The following ACOT9 variants were observed in gnomAD, a reference collection of about 807,000 sequenced individuals.
ACOT9 encodes the protein acyl-coenzyme A thioesterase 9, mitochondrial.
Under a neutral mutation model 39.7 loss-of-function variants are expected in ACOT9, and 34 were observed. The observed-to-expected ratio is 0.86, with a 90% confidence interval of 0.65 to 1.14. The LOEUF (loss-of-function observed/expected upper bound fraction) is 1.14, where lower values mean the gene tolerates loss of function less well. Among genes scored for constraint, ACOT9 ranks in the 50% most tolerant of loss-of-function variants. ACOT9 has a pLI of 0.00. For synonymous variants in ACOT9, 110 were observed against 120.5 expected (o/e 0.91, Z 0.57); for missense variants, 313 against 344.1 (o/e 0.91, Z 0.71).
intron 6 of ACOT9, among the ~76,000 whole-genome samples, chrX:23,724,446 C>T (rs1929434706): frequency 9.1e-6 from 1 of 110,366 alleles, no homozygotes; most frequent in Admixed American, 9.8e-5. Context: ...CTAGCCTGGG[C>T]AACAGAGTGA....
At chrX:23,731,637 T>C in intron 4 of ACOT9, among the ~76,000 whole-genome samples, 1 of 110,286 alleles carries the variant, frequency 9.1e-6, no homozygotes, top group Non-Finnish European at 1.9e-5. Flanking sequence ...CATATAAATA[T>C]ATATGCTAAA....
At chrX:23,721,103 A>AT (rs1569194107) in intron 8 of ACOT9, among the ~76,000 whole-genome samples, 1 of 109,698 alleles carries the variant, frequency 9.1e-6, no homozygotes, top group African/African-American at 3.3e-5. Flanking sequence ...TTATTTATTT[A>AT]TTTTTTGAGA....
chrX:23,719,956 C>A (rs1457290730), intron 8 of ACOT9, among the ~76,000 whole-genome samples: 1 of 111,388 alleles, frequency 9.0e-6, no homozygotes, highest in African/African-American at 3.3e-5. Context: ...CCTGCCTCAG[C>A]CTCCCATAGC....
intron 9 of ACOT9, among the ~76,000 whole-genome samples, chrX:23,708,538 G>GAAAAAA (rs567506307): frequency 1.7e-4 from 12 of 70,827 alleles, no homozygotes; most frequent in Admixed American, 1.9e-4. Flanking sequence ...CTCAAAAAAA[G>GAAAAAA]AAAAAAAAAA....
chrX:23,702,044 G>C lies in ACOT9; in HGVS notation c.*1850C>G, dbSNP rs1928498690. ...GCCAAGATCATGCCACTGCACTCCA[G>C]CTGGAGCGACAGAGTGAAACTCTGT... is the stretch of plus-strand genomic sequence containing the variant. On this transcript the variant is annotated 3_prime_UTR_variant, in exon 16 of 16. Transcript: ENST00000379303. Among the ~76,000 whole-genome samples, 1 of 105,218 alleles carries C rather than the reference G, an allele frequency of 9.5e-6. No homozygotes were observed. Among genetic ancestry groups the C allele is most frequent in the African/African-American group, 3.4e-5 (1 of 29,081 alleles). 91.4% of individuals were successfully genotyped at this position (105,218 alleles called of 115,157 possible).
At chrX:23,711,163 A>G (rs961058632) in intron 9 of ACOT9, among the ~76,000 whole-genome samples, 1 of 110,150 alleles carries the variant, frequency 9.1e-6, no homozygotes, top group Non-Finnish European at 1.9e-5. Context: ...TACTATAAAT[A>G]CAAAACAAAT....
Position 23,740,200 on chromosome X carries a change from G to A in ACOT9, c.20+2925C>T, listed in dbSNP as rs753225389. Reference sequence around the variant, plus strand: ...TGGCTCACTGCAACCTCCACCTCCCGAGTTCAAGCGATTCTCCAGCCTCAG... The same window carrying A: ...TGGCTCACTGCAACCTCCACCTCCCAAGTTCAAGCGATTCTCCAGCCTCAG... On this transcript the variant is annotated intron_variant, in intron 1 of 15. Coordinates refer to ENST00000379303, the MANE Select transcript of ACOT9 (RefSeq NM_001037171.2). Among the ~76,000 whole-genome samples, 624 of 106,595 alleles carry A rather than the reference G, an allele frequency of 5.9e-3. 3 individuals carry two copies. The highest frequency in any genetic ancestry group is 0.021 in the African/African-American group (597 of 28,927). The allele number at this position is 106,595 out of a possible 115,157, so 92.6% of individuals were successfully genotyped here.
chrX:23,737,932 G>A (rs1300044551), intron 1 of ACOT9, among the ~76,000 whole-genome samples: 1 of 103,226 alleles, frequency 9.7e-6, no homozygotes, highest in Non-Finnish European at 2.0e-5. Flanking sequence ...GCAGTGGTGC[G>A]ATCTCGGCTC....
At chrX:23,714,967 C>A (rs1929027747) in intron 8 of ACOT9, among the ~76,000 whole-genome samples, 1 of 111,227 alleles carries the variant, frequency 9.0e-6, no homozygotes, top group African/African-American at 3.3e-5. Context: ...AAAGTCATAC[C>A]ATAAAGTAAT....
intron 1 of ACOT9, among the ~76,000 whole-genome samples, chrX:23,742,239 A>AGAGAGAGAGG (rs1286719151): frequency 2.6e-4 from 13 of 50,415 alleles, no homozygotes; most frequent in Non-Finnish European, 6.3e-5. Flanking sequence ...AGAGAGAGGG[A>AGAGAGAGAGG]GAGAGAGAGA....
chrX:23,704,666 T>C (rs1192318025), intron 15 of ACOT9, 28 bp downstream of exon 15: 1 of 1,199,384 alleles, frequency 8.3e-7, no homozygotes, highest in Admixed American at 2.2e-5. Flanking sequence ...CTTCCCTTTG[T>C]TAGGGACAAG....
chrX:23,712,282 G>T (rs1031261736), intron 9 of ACOT9, among the ~76,000 whole-genome samples: 1 of 107,713 alleles, frequency 9.3e-6, no homozygotes. Flanking sequence ...GCACATGCCT[G>T]TAATCCCAGT....
Position 23,734,383 on chromosome X carries a change from GA to G in ACOT9, c.119-17del. On this transcript the variant is annotated splice_polypyrimidine_tract_variant and intron_variant, in intron 2 of 15. Transcript: ENST00000379303. Reference sequence around the variant, plus strand: ...GATGAACATGCTATATGAATAAAGGGAAAATCAATTAGAGAACCAGCAATAA... The same window carrying G: ...GATGAACATGCTATATGAATAAAGGGAAATCAATTAGAGAACCAGCAATAA... 1 of 1,158,818 alleles carries G rather than the reference GA, an allele frequency of 8.6e-7. No individual in the cohort carries two copies. The highest frequency in any genetic ancestry group is 2.3e-5 in the Admixed American group (1 of 43,077).
At chrX:23,731,334 A>G (rs900102641) in intron 4 of ACOT9, among the ~76,000 whole-genome samples, 21 of 110,501 alleles carry the variant, frequency 1.9e-4, no homozygotes, top group Non-Finnish European at 3.8e-4. Context: ...AAAATTAGCC[A>G]GGTGTGGTGG....
At chrX:23,711,386 A>G (rs1928891248) in intron 9 of ACOT9, among the ~76,000 whole-genome samples, 1 of 112,537 alleles carries the variant, frequency 8.9e-6, no homozygotes. Flanking sequence ...TAAAAAGCTA[A>G]AAAACTGGGA....
chrX:23,730,682 C>G (rs1485258149), intron 5 of ACOT9, 118 bp from the exon 6 acceptor site: 1 of 953,927 alleles, frequency 1.0e-6, no homozygotes, highest in African/African-American at 1.9e-5. Context: ...GATGGATGCA[C>G]AACTCTCTAA....
At chrX:23,719,008 G>A (rs1033474786) in intron 8 of ACOT9, among the ~76,000 whole-genome samples, 4 of 109,996 alleles carry the variant, frequency 3.6e-5, no homozygotes, top group African/African-American at 1.3e-4. Context: ...GGTGGCTCAC[G>A]CCTGAAATCC....
At chrX:23,732,645 G>C (rs1569197741) in intron 4 of ACOT9, among the ~76,000 whole-genome samples, 1 of 110,786 alleles carries the variant, frequency 9.0e-6, no homozygotes, top group Non-Finnish European at 1.9e-5. Context: ...TCTCATTTTA[G>C]CCTCAAAATT....
chrX:23,731,642 G>A (rs1187060534), intron 4 of ACOT9, among the ~76,000 whole-genome samples: 1 of 109,727 alleles, frequency 9.1e-6, no homozygotes, highest in African/African-American at 3.3e-5. Context: ...AAATATATAT[G>A]CTAAAGAATG....
Sources: allele counts gnomAD v4.1 joint callset (sites outside exome capture counted in the v4.1 genomes callset), GRCh38; gene constraint gnomAD v4.1.1; transcripts MANE v1.5; gene names NCBI Gene and HGNC (gene_info 2026-07-23, HGNC 2026-07-21).